MARK4: variants seen among roughly 807,000 people sequenced by gnomAD.
MARK4 encodes MAP/microtubule affinity-regulating kinase 4.
A neutral mutation model predicts 81.5 loss-of-function variants in MARK4; 19 were observed. That is an observed-to-expected ratio of 0.23 (90% CI 0.16 to 0.34). MARK4 has a LOEUF of 0.34. Ranked by LOEUF, MARK4 falls within the 10% of genes least tolerant of loss-of-function variation. The pLI is 1.00. For missense variants in MARK4, 772 were observed against 1,058.8 expected, an observed-to-expected ratio of 0.73 and a Z score of 3.76; for synonymous variants, 436 against 439.0, an observed-to-expected ratio of 0.99 and a Z score of 0.08.
chr19:45,280,390 G>A lies in MARK4; in HGVS notation c.1023G>A (p.Met341Ile), dbSNP rs370351779. The stretch of plus-strand genomic sequence containing the variant: ...CCCTCCCAGAGGTGATGGTGGGTAT[G>A]GGCTACACACGGGAAGAAATCAAAG... ...DTKRIEVMVG[M>I]GYTREEIKES... is the part of the protein sequence containing the mutation. The change falls in exon 11 of 17, where the codon ATG becomes ATA. Residue 341 changes from methionine to isoleucine, a missense_variant. Met to Ile is a conservative substitution (Grantham distance 10). Coordinates refer to ENST00000262891, the MANE Select transcript of MARK4 (RefSeq NM_001199867.2). 2 of 1,613,984 alleles carry A rather than the reference G, an allele frequency of 1.2e-6. No homozygotes were observed. The highest frequency in any genetic ancestry group is 2.7e-5 in the African/African-American group (2 of 74,928).
At chr19:45,257,533 G>T (rs574026098) in intron 1 of MARK4, among the ~76,000 whole-genome samples, 2 of 149,960 alleles carry the variant, frequency 1.3e-5, no homozygotes, top group Admixed American at 6.7e-5. Flanking sequence ...ACAGGTGCGC[G>T]TCACCATGTC....
intron 13 of MARK4, among the ~76,000 whole-genome samples, chr19:45,293,265 CA>C (rs978941563): frequency 2.6e-5 from 4 of 151,382 alleles, no homozygotes; most frequent in African/African-American, 9.7e-5. Context: ...AAACTCTGTC[CA>C]AAAAAATAAA....
At chr19:45,281,367 CT>C (rs71173137) in intron 12 of MARK4, among the ~76,000 whole-genome samples, 33 of 131,988 alleles carry the variant, frequency 2.5e-4, no homozygotes, top group Non-Finnish European at 2.1e-4. Flanking sequence ...TCTTTTCTTT[CT>C]TTTTTTTTTT....
At chr19:45,297,267 T>C (rs1970899197) in intron 14 of MARK4, among the ~76,000 whole-genome samples, 1 of 152,124 alleles carries the variant, frequency 6.6e-6, no homozygotes, top group Admixed American at 6.5e-5. Context: ...CCTTTACATC[T>C]ATCCCTTTCC....
intron 13 of MARK4, among the ~76,000 whole-genome samples, chr19:45,292,311 G>A (rs892244800): frequency 6.6e-6 from 1 of 152,060 alleles, no homozygotes; most frequent in African/African-American, 2.4e-5. Flanking sequence ...TTGAGAAAGT[G>A]GCCGGGACTC....
chr19:45,272,060 G>A (rs1217544350), intron 8 of MARK4, among the ~76,000 whole-genome samples: 2 of 152,154 alleles, frequency 1.3e-5, no homozygotes, highest in Non-Finnish European at 1.5e-5. Flanking sequence ...GGCCGGGTGC[G>A]GTGGCTCATG....
intron 12 of MARK4, 37 bp from the exon 13 acceptor site, chr19:45,287,410 T>TGG: frequency 1.5e-6 from 2 of 1,351,096 alleles, no homozygotes; most frequent in Non-Finnish European, 1.9e-6. Context: ...TGGGTTTCCG[T>TGG]GGTGATGCCA....
chr19:45,267,749 C>T (rs149938140), intron 7 of MARK4, among the ~76,000 whole-genome samples: 343 of 152,286 alleles, frequency 2.3e-3, no homozygotes, highest in African/African-American at 8.1e-3. Context: ...TAGCCTCAAC[C>T]TCTTGGGCTC....
chr19:45,251,770 C>A, intron 1 of MARK4, 131 bp downstream of exon 1: 1 of 807,764 alleles, frequency 1.2e-6, no homozygotes, highest in Non-Finnish European at 1.9e-6. Flanking sequence ...CACCTCTCGA[C>A]CCCTCCCGGA....
At chr19:45,299,577 C>G (rs1970939365) in intron 15 of MARK4, among the ~76,000 whole-genome samples, 1 of 152,238 alleles carries the variant, frequency 6.6e-6, no homozygotes, top group African/African-American at 2.4e-5. Flanking sequence ...GCCCACTCCC[C>G]TCCCTTTCAT....
chr19:45,272,067 C>T (rs1970535022), intron 8 of MARK4, among the ~76,000 whole-genome samples: 1 of 152,202 alleles, frequency 6.6e-6, no homozygotes, highest in African/African-American at 2.4e-5. Flanking sequence ...TGCGGTGGCT[C>T]ATGCCTATAA....
At chr19:45,265,628 G>C (rs1178302380) in intron 6 of MARK4, among the ~76,000 whole-genome samples, 1 of 149,892 alleles carries the variant, frequency 6.7e-6, no homozygotes, top group African/African-American at 2.5e-5. Context: ...AGGGTGCCCA[G>C]GTGTGGGGTA....
intron 10 of MARK4, 141 bp downstream of exon 10, chr19:45,278,756 G>C: frequency 3.2e-6 from 2 of 629,722 alleles, no homozygotes; most frequent in Non-Finnish European, 5.6e-6. Flanking sequence ...GGCGCCTGCC[G>C]CCATGCCCGG....
intron 2 of MARK4, among the ~76,000 whole-genome samples, chr19:45,259,463 A>G (rs1275361170): frequency 6.6e-6 from 1 of 152,194 alleles, no homozygotes; most frequent in Non-Finnish European, 1.5e-5. Flanking sequence ...TGGCTTTTGT[A>G]GATAAACCTG....
At position 45,271,375 on chromosome 19, in the gene MARK4, G is replaced by A; in HGVS notation, c.550-97G>A. 1 of 1,232,572 alleles carries A rather than the reference G, an allele frequency of 8.1e-7. No individual in the cohort carries two copies. The allele number at this position is 1,232,572 out of a possible 1,614,324, so 76.4% of individuals were successfully genotyped here. ...ACAGGCCCAAGAGTTGATCCCTGTG[G>A]GCCAGCCCTAGAGCCTGTGCTCCTG... On this transcript the variant is annotated intron_variant, in intron 7 of 16. Transcript: ENST00000262891. This position sits in a 1 kb window ranked among gnomAD's most constrained non-coding sequence, Gnocchi z 4.1.
At chr19:45,278,231 C>T (rs1417225853) in intron 9 of MARK4, among the ~76,000 whole-genome samples, 189 bp downstream of exon 9, 1 of 152,026 alleles carries the variant, frequency 6.6e-6, no homozygotes, top group Admixed American at 6.6e-5. Context: ...CTGACGCCAC[C>T]CCCCCGACAG....
chr19:45,296,459 A>C (rs1327399102), intron 14 of MARK4, among the ~76,000 whole-genome samples: 1 of 152,216 alleles, frequency 6.6e-6, no homozygotes, highest in African/African-American at 2.4e-5. Flanking sequence ...GAAGTGGGGA[A>C]AGAGTAGGGG....
chr19:45,264,119 G>A (rs190338910), intron 4 of MARK4, among the ~76,000 whole-genome samples: 199 of 152,234 alleles, frequency 1.3e-3, no homozygotes, highest in African/African-American at 4.4e-3. Context: ...TTGAGTGGCC[G>A]CTATGTGCCA....
rs1456413196 is a variant in MARK4, at chr19:45,293,780, A to G, written c.1495-569A>G. Among the ~76,000 whole-genome samples the G allele has an allele frequency of 2.6e-5, 4 of 152,168 alleles. 1 individual carries two copies. In the South Asian group the frequency reaches 8.3e-4, roughly 32 times the overall value. The stretch of plus-strand genomic sequence containing the variant: ...GGGACATATATGAGAACAGACATTG[A>G]CAGCACAGTGATTGAAGCTGCAGTG... On this transcript the variant is annotated intron_variant, in intron 13 of 16. Transcript: ENST00000262891.
Sources: gnomAD v4.1 joint callset for allele counts (sites outside exome capture counted in the v4.1 genomes callset) on GRCh38, gnomAD v4.1.1 for gene constraint, Gnocchi (gnomAD v3.1) non-coding constraint, MANE v1.5 for transcripts, NCBI Gene and HGNC (gene_info 2026-07-23, HGNC 2026-07-21) for gene names.